The following PRIM2 variants were observed in gnomAD, a reference collection of about 807,000 sequenced individuals.
PRIM2 encodes the protein DNA primase large subunit.
Under a neutral mutation model 67.3 loss-of-function variants are expected in PRIM2, and 39 were observed. The ratio of observed to expected loss-of-function variants is 0.58; its 90% CI spans 0.45 to 0.76. The LOEUF is 0.76. Ranked by LOEUF, PRIM2 falls within the 30% of genes least tolerant of loss-of-function variation. PRIM2 has a pLI of 0.00. For synonymous variants in PRIM2, 143 were observed against 198.7 expected (o/e 0.72, Z 2.36); for missense variants, 398 against 598.7 (o/e 0.66, Z 3.50).
the PRIM2 span, among the ~76,000 whole-genome samples, chr6:57,239,682 G>A: frequency 1.7e-3 from 261 of 152,240 alleles, 1 homozygote; most frequent in African/African-American, 6.0e-3. Flanking sequence ...GGAGGTCGAG[G>A]CTGCATTGAG....
intron 10 of PRIM2, among the ~76,000 whole-genome samples, chr6:57,553,247 TTGA>T (rs1212082572): frequency 6.6e-6 from 1 of 152,160 alleles, no homozygotes; most frequent in African/African-American, 2.4e-5. Context: ...GCTTTCTATG[TTGA>T]TGTTTTTAGG....
At chr6:57,627,090 G>A (rs1776960913) in intron 12 of PRIM2, among the ~76,000 whole-genome samples, 2 of 150,888 alleles carry the variant, frequency 1.3e-5, no homozygotes, top group Non-Finnish European at 2.9e-5. Flanking sequence ...AGAACAGTCT[G>A]GCCAACATGG....
intron 7 of PRIM2, among the ~76,000 whole-genome samples, chr6:57,476,252 A>G (rs1773475728): frequency 6.6e-6 from 1 of 152,204 alleles, no homozygotes; most frequent in Non-Finnish European, 1.5e-5. Flanking sequence ...TAAAAATTTT[A>G]GTGTCAGTAC....
At chr6:57,454,373 T>C (rs1279310642) in intron 7 of PRIM2, among the ~76,000 whole-genome samples, 2 of 152,230 alleles carry the variant, frequency 1.3e-5, no homozygotes, top group Admixed American at 1.3e-4. Context: ...TACCAGTTCC[T>C]TCTTGTACCT....
intron 7 of PRIM2, among the ~76,000 whole-genome samples, chr6:57,487,158 A>T (rs1231976886): frequency 6.6e-6 from 1 of 152,216 alleles, no homozygotes; most frequent in Admixed American, 6.5e-5. Context: ...GTTTAATATT[A>T]AATTTAATTG....
rs1279195019 is a variant in PRIM2 at position 57,330,363 on chromosome 6, T to G, written c.459+4318T>G. Among the ~76,000 whole-genome samples the G allele has an allele frequency of 6.0e-3, 596 of 98,876 alleles. 21 individuals carry two copies. The highest frequency in any genetic ancestry group is 0.023 in the African/African-American group (565 of 24,738). 64.9% of individuals were successfully genotyped at this position (98,876 alleles called of 152,430 possible). A position where few individuals can be genotyped will look rare whatever the true frequency, so the allele number is the denominator to read the frequency against. On this transcript the variant is annotated intron_variant, in intron 5 of 13. Coordinates refer to ENST00000615550, the MANE Select transcript of PRIM2 (RefSeq NM_000947.5). ...TGCTGAACTTGTTTTTTTTTTTTGT[T>G]TTTGTTTTTTTGTTTTTTTGTTTTT...
intron 10 of PRIM2, among the ~76,000 whole-genome samples, chr6:57,574,573 A>T (rs1775928818): frequency 2.0e-5 from 3 of 152,112 alleles, no homozygotes; most frequent in South Asian, 4.1e-4. Flanking sequence ...TCTAATAATT[A>T]CCTATAGGAA....
At chr6:57,638,576 C>CAAAAAAAAAAAAAAAAAAA (rs1227220865) in intron 13 of PRIM2, among the ~76,000 whole-genome samples, 2 of 32,028 alleles carry the variant, frequency 6.2e-5, no homozygotes, top group African/African-American at 2.5e-4. Context: ...AAACAGAAAG[C>CAAAAAAAAAAAAAAAAAAA]AAAAAAAAAA....
Position 57,318,526 on chromosome 6 carries a change from G to A in PRIM2, c.81G>A (p.Gln27=), listed in dbSNP as rs749559399. ...QRNASYPHCL[Q]FYLQPPSENI... is the part of the protein sequence containing the mutation. ...ATGCTTCCTACCCTCATTGCCTTCA[G>A]TTTTACTTGCAGCCACCTTCTGAAA... The change falls in exon 2 of 14, where the codon CAG becomes CAA. Residue 27 remains glutamine (Q), a synonymous_variant. Coordinates refer to ENST00000615550, the MANE Select transcript of PRIM2 (RefSeq NM_000947.5). The A allele has an allele frequency of 1.2e-6, 2 of 1,603,788 alleles. No individual in the cohort carries two copies. The highest frequency in any genetic ancestry group is 3.4e-5 in the Admixed American group (2 of 58,430).
intron 7 of PRIM2, among the ~76,000 whole-genome samples, chr6:57,400,916 A>C (rs1290789342): frequency 3.9e-5 from 6 of 152,064 alleles, no homozygotes; most frequent in Admixed American, 1.3e-4. Flanking sequence ...AATACTTGTG[A>C]TTGGATTGTG....
At chr6:57,640,158 A>G (rs1452368880) in intron 13 of PRIM2, among the ~76,000 whole-genome samples, 9 of 152,348 alleles carry the variant, frequency 5.9e-5, no homozygotes, top group Admixed American at 3.3e-4. Context: ...CAATAGATGC[A>G]GAAAAGGCCT....
the PRIM2 span, among the ~76,000 whole-genome samples, chr6:57,223,914 G>T: frequency 6.6e-6 from 1 of 152,050 alleles, no homozygotes; most frequent in African/African-American, 2.4e-5. Flanking sequence ...AAATTGTATG[G>T]TTCATCAGAA....
At chr6:57,587,719 G>A (rs1776219261) in intron 10 of PRIM2, among the ~76,000 whole-genome samples, 1 of 133,120 alleles carries the variant, frequency 7.5e-6, no homozygotes, top group Admixed American at 7.8e-5. Context: ...GAATCACCAT[G>A]AAATATTGCA....
intron 9 of PRIM2, among the ~76,000 whole-genome samples, chr6:57,533,876 G>A (rs1774942738): frequency 6.6e-6 from 1 of 152,122 alleles, no homozygotes; most frequent in Non-Finnish European, 1.5e-5. Context: ...TGAGGGAGAG[G>A]GACAACATAA....
chr6:57,356,299 A>G (rs1407539538), intron 5 of PRIM2, among the ~76,000 whole-genome samples: 2 of 152,210 alleles, frequency 1.3e-5, no homozygotes, highest in Non-Finnish European at 2.9e-5. Context: ...GGAGGCTTTA[A>G]TAAGTTAGTA....
At chr6:57,511,024 A>G (rs2127460813) in intron 8 of PRIM2, among the ~76,000 whole-genome samples, 1 of 152,240 alleles carries the variant, frequency 6.6e-6, no homozygotes, top group African/African-American at 2.4e-5. Context: ...AGGAAAGAGG[A>G]ATGATGAGTA....
chr6:57,362,056 CT>C (rs1769218116), intron 5 of PRIM2, among the ~76,000 whole-genome samples: 1 of 152,056 alleles, frequency 6.6e-6, no homozygotes, highest in African/African-American at 2.4e-5. Flanking sequence ...CTTTAAATGT[CT>C]GAATAATTTT....
chr6:57,582,667 C>T (rs1441245860), intron 10 of PRIM2, among the ~76,000 whole-genome samples: 1 of 151,984 alleles, frequency 6.6e-6, no homozygotes, highest in Non-Finnish European at 1.5e-5. Context: ...TTTCAGATGG[C>T]CCTTGAAGCA....
chr6:57,596,707 C>A (rs2127490206), intron 10 of PRIM2, among the ~76,000 whole-genome samples: 1 of 142,026 alleles, frequency 7.0e-6, no homozygotes. Flanking sequence ...TTCTTATTCT[C>A]TTAAAGTATT....
Sources: allele counts gnomAD v4.1 joint callset (sites outside exome capture counted in the v4.1 genomes callset), GRCh38; gene constraint gnomAD v4.1.1; transcripts MANE v1.5; gene names NCBI Gene and HGNC (gene_info 2026-07-23, HGNC 2026-07-21).